JPH3: variants seen among roughly 807,000 people sequenced by gnomAD.
The protein encoded by JPH3 is junctophilin-3.
JPH3 carries 11 observed loss-of-function variants against 59.6 expected under a neutral mutation model. The ratio of observed to expected loss-of-function variants is 0.18; its 90% CI spans 0.12 to 0.31. The LOEUF is 0.31. JPH3 is among the 10% of genes least tolerant of loss of function. The probability of loss-of-function intolerance (pLI) is 1.00; values close to 1 mark genes in which losing one functional copy is unlikely to be tolerated. For missense variants in JPH3, 1,202 were observed against 1,105.7 expected (o/e 1.09, Z -1.24); for synonymous variants, 673 against 483.6 (o/e 1.39, Z -5.14).
chr16:87,676,626 T>A lies in JPH3; in HGVS notation c.1161-7516T>A, dbSNP rs116115488. Among the ~76,000 whole-genome samples, 392 of 151,052 alleles carry A rather than the reference T, an allele frequency of 2.6e-3. 2 individuals carry two copies. The highest frequency in any genetic ancestry group is 9.1e-3 in the African/African-American group (375 of 41,050). On this transcript the variant is annotated intron_variant, in intron 2 of 4. Transcript: ENST00000284262. ...GTGCGCGCCTGTAATCCCAGCTACA[T>A]GGGTGCCTGAGGCAGCAGAATCCCT...
intron 2 of JPH3, among the ~76,000 whole-genome samples, chr16:87,655,498 C>T (rs1284607348): frequency 2.0e-5 from 3 of 152,120 alleles, no homozygotes; most frequent in Non-Finnish European, 2.9e-5. Context: ...GGACCGCAGC[C>T]GTGCACCACC....
chr16:87,624,071 G>A (rs1440616282), intron 1 of JPH3, among the ~76,000 whole-genome samples: 2 of 152,230 alleles, frequency 1.3e-5, no homozygotes, highest in East Asian at 3.9e-4. Context: ...CCAGGTTGTC[G>A]CTGTCACTCC....
intron 1 of JPH3, among the ~76,000 whole-genome samples, chr16:87,637,438 G>A (rs910573926): frequency 6.6e-6 from 1 of 151,894 alleles, no homozygotes; most frequent in African/African-American, 2.4e-5. Flanking sequence ...GTGTGTGTGT[G>A]TGTGTTTTAA....
At chr16:87,616,218 G>A (rs2030957744) in intron 1 of JPH3, among the ~76,000 whole-genome samples, 7 of 145,678 alleles carry the variant, frequency 4.8e-5, no homozygotes, top group East Asian at 2.0e-4. Flanking sequence ...GTGTGTGTGT[G>A]TGTGTGTGTG....
At chr16:87,661,933 A>G (rs4843662) in intron 2 of JPH3, among the ~76,000 whole-genome samples, 1 of 152,048 alleles carries the variant, frequency 6.6e-6, no homozygotes, top group Admixed American at 6.5e-5. Flanking sequence ...CACGTACGCC[A>G]CCACTACTCC....
chr16:87,642,201 C>T (rs2031977150), intron 1 of JPH3, among the ~76,000 whole-genome samples: 2 of 151,422 alleles, frequency 1.3e-5, no homozygotes, highest in Non-Finnish European at 2.9e-5. Context: ...TTGGATCCCA[C>T]CCTCTGGTGT....
intron 2 of JPH3, among the ~76,000 whole-genome samples, chr16:87,659,394 A>AAAAAAAAAAAAAAAAAAC (rs2032626502): frequency 7.0e-6 from 1 of 143,850 alleles, no homozygotes. Context: ...AAAGAAAAAA[A>AAAAAAAAAAAAAAAAAAC]AAAAGAAAAC....
At chr16:87,662,245 A>G (rs925528071) in intron 2 of JPH3, among the ~76,000 whole-genome samples, 2 of 152,126 alleles carry the variant, frequency 1.3e-5, no homozygotes, top group Admixed American at 6.5e-5. Context: ...CTGCCGAGAT[A>G]GCAGCCCCTC....
chr16:87,627,766 C>T (rs531125292), intron 1 of JPH3, among the ~76,000 whole-genome samples: 219 of 152,342 alleles, frequency 1.4e-3, no homozygotes, highest in African/African-American at 5.1e-3. Flanking sequence ...GATCCGAGCT[C>T]AGATTTGCCC....
intron 1 of JPH3, among the ~76,000 whole-genome samples, chr16:87,637,763 C>T (rs574097642): frequency 1.6e-4 from 24 of 152,184 alleles, no homozygotes; most frequent in African/African-American, 5.5e-4. Flanking sequence ...TCCCTGTGCC[C>T]CCGGGGTTGG....
chr16:87,696,722 C>T lies in JPH3; in HGVS notation c.*62C>T. The T allele has an allele frequency of 7.2e-7, 1 of 1,394,782 alleles. No homozygotes were observed. The highest frequency in any genetic ancestry group is 2.3e-5 in the East Asian group (1 of 43,856). 86.4% of individuals were successfully genotyped at this position (1,394,782 alleles called of 1,614,324 possible). On this transcript the variant is annotated 3_prime_UTR_variant, in exon 5 of 5. Coordinates refer to ENST00000284262, the MANE Select transcript of JPH3 (RefSeq NM_020655.4). ...AAAAAAGGGACATTAAAATTAAAAG[C>T]AAAACCACAAGAAGGGAAAGACCGC...
At chr16:87,654,112 A>G (rs1471308445) in intron 2 of JPH3, 1 of 152,174 alleles carries the variant, frequency 6.6e-6, no homozygotes, top group African/African-American at 2.4e-5. Flanking sequence ...TATTCTGCAC[A>G]TCTGCCCACC....
intron 1 of JPH3, among the ~76,000 whole-genome samples, chr16:87,608,781 G>A (rs751791170): frequency 4.6e-5 from 7 of 152,244 alleles, no homozygotes; most frequent in Non-Finnish European, 7.4e-5. Context: ...CCACGCCTGC[G>A]ATCCCAACAC....
intron 2 of JPH3, among the ~76,000 whole-genome samples, chr16:87,648,572 G>A (rs1019358338): frequency 2.0e-5 from 3 of 152,192 alleles, no homozygotes; most frequent in Non-Finnish European, 4.4e-5. Context: ...GCAGGGAAGG[G>A]AAGTGGGTTT....
chr16:87,642,566 A>G (rs558336345), intron 1 of JPH3, among the ~76,000 whole-genome samples: 2 of 152,350 alleles, frequency 1.3e-5, no homozygotes, highest in African/African-American at 4.8e-5. Flanking sequence ...TCTGGTCTGC[A>G]GCCTGTGCCA....
intron 1 of JPH3, among the ~76,000 whole-genome samples, chr16:87,637,787 G>C (rs1331730325): frequency 6.6e-6 from 1 of 152,196 alleles, no homozygotes; most frequent in Non-Finnish European, 1.5e-5. Flanking sequence ...CTTGCTCAAG[G>C]ATTCCAGATG....
At chr16:87,673,785 G>C (rs1298007504) in intron 2 of JPH3, among the ~76,000 whole-genome samples, 1 of 152,036 alleles carries the variant, frequency 6.6e-6, no homozygotes, top group Non-Finnish European at 1.5e-5. Flanking sequence ...AATGAGCTGG[G>C]TGTGATGGCG....
chr16:87,623,785 C>T (rs1290594668), intron 1 of JPH3, among the ~76,000 whole-genome samples: 1 of 152,186 alleles, frequency 6.6e-6, no homozygotes, highest in Non-Finnish European at 1.5e-5. Flanking sequence ...TTTGGGGTGT[C>T]TTTGGAGGTT....
At position 87,604,561 on chromosome 16, in the gene JPH3, AT is replaced by A. The variant is rs2030437417; in HGVS notation, c.382+1034del. The A allele has an allele frequency of 1.1e-5, 14 of 1,246,372 alleles. No homozygotes were observed. The South Asian group carries it at 2.1e-4, about 19-fold the overall frequency. The allele number at this position is 1,246,372 out of a possible 1,614,324, so 77.2% of individuals were successfully genotyped here. On this transcript the variant is annotated intron_variant, in intron 1 of 4. Transcript: ENST00000284262. ...GGCGGCTCGCCTGTTTCAGGCATGGATGCCTGGGAAGGGAGTGAGACGCAGC... is the reference window on the plus strand; with the variant it reads ...GGCGGCTCGCCTGTTTCAGGCATGGAGCCTGGGAAGGGAGTGAGACGCAGC...
Sources: gnomAD v4.1 joint callset for allele counts (sites outside exome capture counted in the v4.1 genomes callset) on GRCh38, gnomAD v4.1.1 for gene constraint, MANE v1.5 for transcripts, NCBI Gene and HGNC (gene_info 2026-07-23, HGNC 2026-07-21) for gene names.